The following ZHX2 variants were observed in gnomAD, a reference collection of about 807,000 sequenced individuals.
The protein encoded by ZHX2 is zinc fingers and homeoboxes 2, also known as zinc fingers and homeoboxes protein 2.
ZHX2 carries 6 observed loss-of-function variants against 21.9 expected under a neutral mutation model. The observed-to-expected ratio is 0.27, with a 90% CI of 0.15 to 0.54. The LOEUF (loss-of-function observed/expected upper bound fraction) is 0.54. Ranked by LOEUF, ZHX2 falls within the 20% of genes least tolerant of loss-of-function variation. The pLI, the probability that ZHX2 is intolerant of heterozygous loss-of-function variation, is 0.95. For missense variants in ZHX2, 908 were observed against 1,090.7 expected, an observed-to-expected ratio of 0.83 and a Z score of 2.36; for synonymous variants, 434 against 437.1, an observed-to-expected ratio of 0.99 and a Z score of 0.09.
chr8:122,870,514 C>G (rs1819405268), intron 2 of ZHX2, among the ~76,000 whole-genome samples: 1 of 151,564 alleles, frequency 6.6e-6, no homozygotes, highest in African/African-American at 2.4e-5. Flanking sequence ...TGACAGGTGC[C>G]TGTAATCCCA....
In ZHX2 at chr8:122,864,606, G is replaced by T. The variant is rs1336602932; in HGVS notation, c.-220+1067G>T. ...CAGACCACATAGACAAGAGGAAAAG[G>T]CATGGGGGAACAGGTGGCAAGACTC... On this transcript the variant is annotated intron_variant, in intron 2 of 3. Coordinates refer to ENST00000314393, the MANE Select transcript of ZHX2 (RefSeq NM_014943.5). 2.0e-5 allele frequency among the ~76,000 whole-genome samples: 3 copies of T among 152,084 alleles called. No homozygotes were observed. In the East Asian group the frequency reaches 5.8e-4, roughly 29 times the overall value.
intron 1 of ZHX2, among the ~76,000 whole-genome samples, chr8:122,789,336 G>C: frequency 6.6e-6 from 1 of 152,162 alleles, no homozygotes; most frequent in Non-Finnish European, 1.5e-5. Flanking sequence ...TAAAATATGA[G>C]ACTGGGCTGA....
rs993933078 is a variant in ZHX2 at position 122,914,729 on chromosome 8, C to T, written c.-219-36563C>T. 9.2e-5 allele frequency among the ~76,000 whole-genome samples: 14 copies of T among 152,328 alleles called. No individual in the cohort carries two copies. The Middle Eastern group carries it at 0.01, about 111-fold the overall frequency. On this transcript the variant is annotated intron_variant, in intron 2 of 3. Transcript: ENST00000314393. ...AGACACTTCCATCAGTTCCTGGAAA[C>T]GTGCTTTTCTCTTTATTACTTTGTT...
intron 1 of ZHX2, among the ~76,000 whole-genome samples, chr8:122,848,622 A>C (rs1818809554): frequency 6.6e-6 from 1 of 152,152 alleles, no homozygotes; most frequent in Admixed American, 6.5e-5. Flanking sequence ...CAAATAATGA[A>C]GATTTGACCA....
At chr8:122,916,735 T>G (rs954722855) in intron 2 of ZHX2, among the ~76,000 whole-genome samples, 15 of 152,072 alleles carry the variant, frequency 9.9e-5, no homozygotes, top group Non-Finnish European at 1.9e-4. Flanking sequence ...ATTCCTTCCT[T>G]CCATCCATCC....
intron 1 of ZHX2, among the ~76,000 whole-genome samples, chr8:122,848,225 T>TGC (rs1390461650): frequency 6.6e-6 from 1 of 152,152 alleles, no homozygotes; most frequent in Non-Finnish European, 1.5e-5. Context: ...TGTGTGTGTG[T>TGC]GCGCCTGAAA....
chr8:122,892,058 T>C (rs1246882943), intron 2 of ZHX2, among the ~76,000 whole-genome samples: 1 of 152,216 alleles, frequency 6.6e-6, no homozygotes, highest in Non-Finnish European at 1.5e-5. Flanking sequence ...GGTCTCTCTC[T>C]CTCCCTTTAG....
chr8:122,938,021 C>T (rs563383045), intron 2 of ZHX2, among the ~76,000 whole-genome samples: 29 of 129,256 alleles, frequency 2.2e-4, no homozygotes, highest in East Asian at 1.9e-3. Flanking sequence ...CTGCAACCTC[C>T]GCCTCCCGGG....
In ZHX2 at chr8:122,953,871, G is replaced by T. The variant is rs558951283; in HGVS notation, c.2361G>T (p.Glu787Asp). Residue 787 changes from glutamate to aspartate, a missense_variant, in exon 3 of 4, where the codon GAG becomes GAT. Physicochemically the swap from Glu to Asp is conservative, Grantham distance 45. Coordinates refer to ENST00000314393, the MANE Select transcript of ZHX2 (RefSeq NM_014943.5). The surrounding 1 kb of genome is among the most constrained non-coding windows in gnomAD (Gnocchi z 4.6). Reference sequence around the variant, plus strand: ...GCCAGGGTAGCGACGAGAACGAGGAGTCGAGCGTTGTGGATTACGTGGAGG... The same window carrying T: ...GCCAGGGTAGCGACGAGAACGAGGATTCGAGCGTTGTGGATTACGTGGAGG... ...RDGQGSDENEESSVVDYVEVT... is the reference protein window; with the variant it reads ...RDGQGSDENEDSSVVDYVEVT... 2 of 1,614,234 alleles carry T rather than the reference G, an allele frequency of 1.2e-6. No individual in the cohort carries two copies. The highest frequency in any genetic ancestry group is 1.3e-5 in the African/African-American group (1 of 75,078).
intron 1 of ZHX2, among the ~76,000 whole-genome samples, chr8:122,806,037 G>A (rs973482412): frequency 3.3e-5 from 5 of 152,190 alleles, no homozygotes; most frequent in Admixed American, 6.5e-5. Flanking sequence ...GTTCCCAGGT[G>A]AGCTTGGCCT....
rs1813105467 is a variant in ZHX2, at chr8:122,951,405, T to C, written c.-106T>C. 1 of 998,128 alleles carries C rather than the reference T, an allele frequency of 1.0e-6. No homozygotes were observed. The highest frequency in any genetic ancestry group is 1.4e-6 in the Non-Finnish European group (1 of 691,480). 61.8% of individuals were successfully genotyped at this position (998,128 alleles called of 1,614,324 possible). A position where few individuals can be genotyped will look rare whatever the true frequency, so the allele number is the denominator to read the frequency against. On this transcript the variant is annotated 5_prime_UTR_variant, in exon 3 of 4. Transcript: ENST00000314393. Reference sequence around the variant, plus strand: ...GCACACAAGGAAAGCCAAAGCCATTTGAGGGGGAATAAAGCCAAAAGCCTT... The same window carrying C: ...GCACACAAGGAAAGCCAAAGCCATTCGAGGGGGAATAAAGCCAAAAGCCTT...
At chr8:122,898,515 C>T (rs893767745) in intron 2 of ZHX2, among the ~76,000 whole-genome samples, 3 of 152,172 alleles carry the variant, frequency 2.0e-5, no homozygotes, top group Admixed American at 1.3e-4. Flanking sequence ...AAGTCAGAGG[C>T]AGAACTAAGC....
At chr8:122,880,081 G>C (rs191451099) in intron 2 of ZHX2, among the ~76,000 whole-genome samples, 1 of 148,904 alleles carries the variant, frequency 6.7e-6, no homozygotes, top group Non-Finnish European at 1.5e-5. Context: ...CAAGTGATTC[G>C]TCTACCTCAG....
intron 2 of ZHX2, among the ~76,000 whole-genome samples, chr8:122,898,059 G>A (rs375131978): frequency 1.5e-4 from 23 of 152,086 alleles, no homozygotes; most frequent in African/African-American, 2.2e-4. Flanking sequence ...TGTCCACACC[G>A]TGAAAATAAG....
At chr8:122,926,999 G>C (rs1461325665) in intron 2 of ZHX2, among the ~76,000 whole-genome samples, 1 of 151,900 alleles carries the variant, frequency 6.6e-6, no homozygotes, top group South Asian at 2.1e-4. Context: ...ATCTTTTTTT[G>C]GCATATAAGA....
At chr8:122,824,765 T>C (rs755799114) in intron 1 of ZHX2, among the ~76,000 whole-genome samples, 13 of 152,216 alleles carry the variant, frequency 8.5e-5, no homozygotes, top group South Asian at 2.1e-4. Context: ...AATTTGTTAT[T>C]TGACAGTTCT....
chr8:122,829,502 A>G (rs1818327262), intron 1 of ZHX2, among the ~76,000 whole-genome samples: 2 of 152,234 alleles, frequency 1.3e-5, no homozygotes, highest in African/African-American at 4.8e-5. Context: ...GGACGTACCT[A>G]CATCCATACA....
chr8:122,835,695 G>A (rs1398791537), intron 1 of ZHX2, among the ~76,000 whole-genome samples: 4 of 152,164 alleles, frequency 2.6e-5, no homozygotes, highest in East Asian at 1.9e-4. Flanking sequence ...AGAGAAAGGC[G>A]ATCAGGGTGG....
At chr8:122,840,877 C>T (rs1157502034) in intron 1 of ZHX2, among the ~76,000 whole-genome samples, 1 of 152,204 alleles carries the variant, frequency 6.6e-6, no homozygotes, top group African/African-American at 2.4e-5. Flanking sequence ...CTCAAGGTCA[C>T]TCAGCTTGTC....
Sources: allele counts gnomAD v4.1 joint callset (sites outside exome capture counted in the v4.1 genomes callset), GRCh38; gene constraint gnomAD v4.1.1; non-coding constraint Gnocchi (gnomAD v3.1); transcripts MANE v1.5; gene names NCBI Gene and HGNC (gene_info 2026-07-23, HGNC 2026-07-21).